The following MAPK15 variants were observed in gnomAD, a reference collection of about 807,000 sequenced individuals.
The protein encoded by MAPK15 is ERK-7.
Under a neutral mutation model 60.8 loss-of-function variants are expected in MAPK15, and 61 were observed. The observed-to-expected ratio is 1.00, with a 90% confidence interval of 0.82 to 1.24. The LOEUF (loss-of-function observed/expected upper bound fraction) is 1.24. MAPK15 is among the 50% of genes most tolerant of loss of function. The probability of loss-of-function intolerance (pLI) is 0.00; values close to 1 mark genes in which losing one functional copy is unlikely to be tolerated. For synonymous variants in MAPK15, 356 were observed against 319.9 expected (o/e 1.11, Z -1.21); for missense variants, 808 against 741.1 (o/e 1.09, Z -1.05).
rs782245875 is a variant in MAPK15, at chr8:143,716,444, G to T, written c.66+1G>T. The T allele has an allele frequency of 3.1e-6, 5 of 1,602,544 alleles. No individual in the cohort carries two copies. The highest frequency in any genetic ancestry group is 3.4e-5 in the Admixed American group (2 of 58,886). On this transcript the variant is annotated splice_donor_variant, in intron 1 of 13. Coordinates refer to ENST00000338033, the MANE Select transcript of MAPK15 (RefSeq NM_139021.3). LOFTEE classifies it high-confidence loss of function. ...ACTCAGGCGGCAGCTCGGGCAGGGGGTGAGTGCCTGGGGGTGCGTCCGCGC... is the reference window on the plus strand; with the variant it reads ...ACTCAGGCGGCAGCTCGGGCAGGGGTTGAGTGCCTGGGGGTGCGTCCGCGC...
chr8:143,716,520 G>C lies in MAPK15; in HGVS notation c.66+77G>C. On this transcript the variant is annotated intron_variant, in intron 1 of 13. Transcript: ENST00000338033. Reference sequence around the variant, plus strand: ...AGAGAGGACCTGCGGGGCGCGGCCGGTCCCCTCGGAGGCCTGTTCCGTCAC... The same window carrying C: ...AGAGAGGACCTGCGGGGCGCGGCCGCTCCCCTCGGAGGCCTGTTCCGTCAC... The C allele has an allele frequency of 4.2e-6, 6 of 1,416,258 alleles. No individual in the cohort carries two copies. The South Asian group carries it at 5.3e-5, about 12-fold the overall frequency. The allele number at this position is 1,416,258 out of a possible 1,614,324, so 87.7% of individuals were successfully genotyped here.
intron 1 of MAPK15, among the ~76,000 whole-genome samples, chr8:143,716,961 G>A (rs1817836608): frequency 6.6e-6 from 1 of 152,026 alleles, no homozygotes; most frequent in South Asian, 2.1e-4. Context: ...GGTGTTCGAG[G>A]GTGCCATGGG....
chr8:143,721,889 G>A lies in MAPK15; in HGVS notation c.1458+9G>A, dbSNP rs782018614. ...TGGCCAGCGTACAACAGGTAAGCCC[G>A]GCCCAGTCTGCCCCCGTCCCCTCAT... On this transcript the variant is annotated intron_variant, in intron 13 of 13. Coordinates refer to ENST00000338033, the MANE Select transcript of MAPK15 (RefSeq NM_139021.3). 19 of 1,565,040 alleles carry A rather than the reference G, an allele frequency of 1.2e-5. No individual in the cohort carries two copies. Among genetic ancestry groups the A allele is most frequent in the South Asian group, 2.4e-5 (2 of 83,756 alleles).
chr8:143,718,958 C>A, intron 5 of MAPK15, 35 bp from the exon 6 acceptor site: 1 of 1,599,714 alleles, frequency 6.3e-7, no homozygotes, highest in Non-Finnish European at 8.5e-7. Flanking sequence ...CGGCCCCACC[C>A]AGCCCCGGGG....
Position 143,718,247 on chromosome 8 carries a change from T to C in MAPK15, c.231T>C (p.Leu77=), listed in dbSNP as rs1563748415. The C allele has an allele frequency of 6.2e-7, 1 of 1,614,156 alleles. No individual in the cohort carries two copies. The highest frequency in any genetic ancestry group is 8.5e-7 in the Non-Finnish European group (1 of 1,180,020). The stretch of plus-strand genomic sequence containing the variant: ...ACCATCCCAACATCATCAGCCTCCT[T>C]GACGTGATCCGGGCAGAGAACGACA... ...FGDHPNIISL[L]DVIRAENDRD... is the part of the protein sequence containing the mutation. Residue 77 remains leucine (L), a synonymous_variant, in exon 4 of 14, where the codon CTT becomes CTC. Transcript: ENST00000338033.
Position 143,722,374 on chromosome 8 carries a change from C to T in MAPK15, c.*123C>T. On this transcript the variant is annotated 3_prime_UTR_variant, in exon 14 of 14. Coordinates refer to ENST00000338033, the MANE Select transcript of MAPK15 (RefSeq NM_139021.3). ...CCTGGCCCGTTGAAGTTCCAGGGAG[C>T]TTGCCCGGGTCTCCTCGGGGGAGCA... 2 of 881,736 alleles carry T rather than the reference C, an allele frequency of 2.3e-6. No individual in the cohort carries two copies. The highest frequency in any genetic ancestry group is 3.3e-6 in the Non-Finnish European group (2 of 607,244). 54.6% of individuals were successfully genotyped at this position (881,736 alleles called of 1,614,324 possible). A position where few individuals can be genotyped will look rare whatever the true frequency, so the allele number is the denominator to read the frequency against.
chr8:143,717,349 G>A (rs942260782), intron 1 of MAPK15, among the ~76,000 whole-genome samples: 5 of 152,134 alleles, frequency 3.3e-5, no homozygotes, highest in East Asian at 1.9e-4. Context: ...TGAAGGTAGG[G>A]CCAATGGGAT....
At position 143,716,429 on chromosome 8, in the gene MAPK15, C is replaced by CA. The variant is rs782637519; in HGVS notation, c.53dup (p.Leu19AlafsTer19). ...TGTCCGGAGATACCTACTCAGGCGG[C>CA]AGCTCGGGCAGGGGGTGAGTGCCTG... On this transcript the variant is annotated frameshift_variant, in exon 1 of 14. Transcript: ENST00000338033. LOFTEE classifies it high-confidence loss of function. The CA allele has an allele frequency of 1.2e-6, 2 of 1,603,628 alleles. No individual in the cohort carries two copies. The highest frequency in any genetic ancestry group is 1.7e-6 in the Non-Finnish European group (2 of 1,176,164).
intron 4 of MAPK15, 54 bp from the exon 5 acceptor site, chr8:143,718,721 C>CG (rs1563748887): frequency 1.3e-6 from 1 of 796,266 alleles, no homozygotes; most frequent in Non-Finnish European, 2.0e-6. Flanking sequence ...CCACTCCCCC[C>CG]AGGTTGCCCC....
Position 143,722,179 on chromosome 8 carries a change from C to T in MAPK15, c.1563C>T (p.Tyr521=). Residue 521 remains tyrosine, a synonymous_variant, in exon 14 of 14, where the codon TAC becomes TAT. Coordinates refer to ENST00000338033, the MANE Select transcript of MAPK15 (RefSeq NM_139021.3). ...GTGCCAGGGCTTTGCTTGGAGGCTA[C>T]TCCCAAGCCTACGGGACTGTCTGCC... ...QGGARALLGG[Y]SQAYGTVCHS... 1.2e-6 allele frequency: 2 copies of T among 1,610,326 alleles called. No individual in the cohort carries two copies. The highest frequency in any genetic ancestry group is 8.5e-7 in the Non-Finnish European group (1 of 1,178,840).
rs533368346 is a variant in MAPK15, at chr8:143,721,072, C to A, written c.990C>A (p.Leu330=). The stretch of plus-strand genomic sequence containing the variant: ...CCCGGGCACACGAAGGGGTCCAGCT[C>A]TCTGTGCCTGAGTACCGCAGCCGCG... ...VRPRAHEGVQ[L]SVPEYRSRVY... The change falls in exon 10 of 14, where the codon CTC becomes CTA. Residue 330 remains leucine (L), a synonymous_variant. Coordinates refer to ENST00000338033, the MANE Select transcript of MAPK15 (RefSeq NM_139021.3). The A allele has an allele frequency of 6.2e-7, 1 of 1,612,074 alleles. No individual in the cohort carries two copies. Among genetic ancestry groups the A allele is most frequent in the South Asian group, 1.1e-5 (1 of 91,026 alleles).
rs369198662 is a variant in MAPK15, at chr8:143,721,431, C to T, written c.1204+20C>T. The T allele has an allele frequency of 4.2e-5, 68 of 1,608,424 alleles. No homozygotes were observed. In the East Asian group the frequency reaches 5.8e-4, roughly 14 times the overall value. ...AGCACGGTGTGTGATCTTTGCTGGC[C>T]GCCCACGCGGAGCACGGCCCGGGCC... On this transcript the variant is annotated intron_variant, in intron 11 of 13. Transcript: ENST00000338033.
In MAPK15 at chr8:143,720,932, C is replaced by A. The variant is rs949830523; in HGVS notation, c.918-68C>A. ...TGAGGGACAGCCCCCACAGCAGGGA[C>A]CCTGCTGTGACGGCTTGAGGGGCTC... On this transcript the variant is annotated intron_variant, in intron 9 of 13. Coordinates refer to ENST00000338033, the MANE Select transcript of MAPK15 (RefSeq NM_139021.3). This position sits in a 1 kb window ranked among gnomAD's most constrained non-coding sequence, Gnocchi z 4.6. 22 of 1,580,378 alleles carry A rather than the reference C, an allele frequency of 1.4e-5. No homozygotes were observed. The highest frequency in any genetic ancestry group is 1.9e-5 in the Non-Finnish European group (22 of 1,162,292).
chr8:143,721,451 C>G (rs375706442), intron 11 of MAPK15, 40 bp downstream of exon 11: 2 of 1,608,912 alleles, frequency 1.2e-6, no homozygotes, highest in Admixed American at 1.7e-5. Context: ...GAGCACGGCC[C>G]GGGCCCCTTC....
At position 143,718,864 on chromosome 8, in the gene MAPK15, C is replaced by T. The variant is rs200419870; in HGVS notation, c.376C>T (p.Arg126Trp). 8.1e-6 allele frequency: 13 copies of T among 1,611,706 alleles called. No homozygotes were observed. The Admixed American group carries it at 8.3e-5, about 10-fold the overall frequency. Residue 126 changes from arginine (R) to tryptophan (W), a missense_variant, in exon 5 of 14, where the codon CGG becomes TGG. Arg to Trp is a moderately radical substitution (Grantham distance 101, BLOSUM62 -3). Transcript: ENST00000338033. Reference protein sequence around the residue: ...SIFYQLLRATRFLHSGHVVHR... With the variant: ...SIFYQLLRATWFLHSGHVVHR... Reference sequence around the variant, plus strand: ...CTTCTACCAGCTCCTGCGGGCCACCCGGTTCCTCCACTCGGGGCACGTTGT... The same window carrying T: ...CTTCTACCAGCTCCTGCGGGCCACCTGGTTCCTCCACTCGGGGCACGTTGT...
chr8:143,718,528 A>G, intron 4 of MAPK15: 1 of 625,884 alleles, frequency 1.6e-6, no homozygotes, highest in East Asian at 2.7e-5. Flanking sequence ...TGCTCTGACC[A>G]CAGTTTGCAG....
rs970589453 is a variant in MAPK15, at chr8:143,720,102, G to A, written c.722-128G>A. On this transcript the variant is annotated intron_variant, in intron 7 of 13. Coordinates refer to ENST00000338033, the MANE Select transcript of MAPK15 (RefSeq NM_139021.3). The surrounding 1 kb of genome is among the most constrained non-coding windows in gnomAD (Gnocchi z 4.6). ...CCTGGTGATGGGGTGTTTGAGCCCCGCCAGACAGCAGAAACCCTGTAGAGA... is the reference window on the plus strand; with the variant it reads ...CCTGGTGATGGGGTGTTTGAGCCCCACCAGACAGCAGAAACCCTGTAGAGA... 7 of 1,396,576 alleles carry A rather than the reference G, an allele frequency of 5.0e-6. No homozygotes were observed. The Admixed American group carries it at 1.1e-4, about 21-fold the overall frequency. The allele number at this position is 1,396,576 out of a possible 1,614,324, so 86.5% of individuals were successfully genotyped here. A position where few individuals can be genotyped will look rare whatever the true frequency, so the allele number is the denominator to read the frequency against.
chr8:143,718,006 T>G (rs1817878064), intron 2 of MAPK15, 41 bp from the exon 3 acceptor site: 1 of 1,613,928 alleles, frequency 6.2e-7, no homozygotes, highest in Non-Finnish European at 8.5e-7. Flanking sequence ...GGCTTCCTTC[T>G]TGCTCCACCC....
intron 1 of MAPK15, among the ~76,000 whole-genome samples, chr8:143,717,457 C>T (rs1309890373): frequency 6.6e-6 from 1 of 152,130 alleles, no homozygotes; most frequent in Admixed American, 6.5e-5. Context: ...CCCAGACGCT[C>T]CCCTCTGTGG....
Sources: gnomAD v4.1 joint callset for allele counts (sites outside exome capture counted in the v4.1 genomes callset) on GRCh38, gnomAD v4.1.1 for gene constraint, Gnocchi (gnomAD v3.1) non-coding constraint, MANE v1.5 for transcripts, NCBI Gene and HGNC (gene_info 2026-07-23, HGNC 2026-07-21) for gene names.